Variants in FGD6 observed in about 807,000 individuals in gnomAD.
The protein encoded by FGD6 is FYVE, RhoGEF and PH domain-containing protein 6.
In FGD6, 90 loss-of-function variants were observed where a neutral mutation model predicts 149.4. The observed-to-expected ratio is 0.60, with a 90% CI of 0.51 to 0.72. The LOEUF is 0.72. Ranked by LOEUF, FGD6 falls within the 30% of genes least tolerant of loss-of-function variation. The pLI is 0.00. For synonymous variants in FGD6, 527 were observed against 584.0 expected, an observed-to-expected ratio of 0.90 and a Z score of 1.41; for missense variants, 1,437 against 1,684.8, an observed-to-expected ratio of 0.85 and a Z score of 2.57.
chr12:95,190,928 G>A (rs1342546083), intron 2 of FGD6, among the ~76,000 whole-genome samples: 1 of 152,110 alleles, frequency 6.6e-6, no homozygotes, highest in African/African-American at 2.4e-5. Context: ...ACATTAAAAT[G>A]TCACTAGACC....
At chr12:95,095,586 G>A (rs1000079517) in intron 14 of FGD6, among the ~76,000 whole-genome samples, 11 of 151,830 alleles carry the variant, frequency 7.2e-5, no homozygotes, top group African/African-American at 1.2e-4. Context: ...AAGGGAGAGG[G>A]AATGAGAGAA....
chr12:95,151,056 G>A lies in FGD6; in HGVS notation c.2685+1755C>T, dbSNP rs1028314886. Among the ~76,000 whole-genome samples, 12 of 151,754 alleles carry A rather than the reference G, an allele frequency of 7.9e-5. No homozygotes were observed. In the East Asian group the frequency reaches 1.2e-3, roughly 15 times the overall value. ...TGCAGTGAGTGGAAATCATGCCACC[G>A]CACTCCAGCCTGGGTGACAAAGTGA... On this transcript the variant is annotated intron_variant, in intron 5 of 20. Transcript: ENST00000343958.
chr12:95,152,319 T>A (rs1388087740), intron 5 of FGD6, among the ~76,000 whole-genome samples: 1 of 151,878 alleles, frequency 6.6e-6, no homozygotes, highest in Non-Finnish European at 1.5e-5. Context: ...CAGAATAAGA[T>A]GCTCTCTCAA....
chr12:95,134,422 TTAA>T (rs752728264), intron 8 of FGD6, among the ~76,000 whole-genome samples: 5 of 152,248 alleles, frequency 3.3e-5, no homozygotes, highest in East Asian at 3.9e-4. Context: ...CTTCTTGGAA[TTAA>T]TAATATTAGC....
At chr12:95,157,024 T>C (rs1880492351) in intron 3 of FGD6, among the ~76,000 whole-genome samples, 1 of 152,162 alleles carries the variant, frequency 6.6e-6, no homozygotes. Flanking sequence ...TACAAATAAT[T>C]ACTGCTAAAC....
rs762576522 is a variant in FGD6 at position 95,089,519 on chromosome 12, T to A, written c.3978+50A>T. ...AAAGAAAAACGGTGTATTATATGCA[T>A]ATGAATAATTCAGCCTCTATCACAT... On this transcript the variant is annotated intron_variant, in intron 18 of 20. Transcript: ENST00000343958. 11 of 1,593,676 alleles carry A rather than the reference T, an allele frequency of 6.9e-6. No individual in the cohort carries two copies. The Admixed American group carries it at 1.4e-4, about 20-fold the overall frequency.
At chr12:95,160,344 T>A (rs1880602655) in intron 3 of FGD6, among the ~76,000 whole-genome samples, 1 of 152,068 alleles carries the variant, frequency 6.6e-6, no homozygotes, top group South Asian at 2.1e-4. Flanking sequence ...ACCCACACAA[T>A]GGCTATAATA....
At chr12:95,098,166 A>G (rs1297068825) in intron 14 of FGD6, among the ~76,000 whole-genome samples, 2 of 152,074 alleles carry the variant, frequency 1.3e-5, no homozygotes, top group Non-Finnish European at 1.5e-5. Context: ...TGCACACCTG[A>G]AACTCAACTC....
intron 7 of FGD6, among the ~76,000 whole-genome samples, chr12:95,136,025 T>A (rs1237267427): frequency 3.9e-5 from 6 of 152,284 alleles, no homozygotes; most frequent in African/African-American, 1.4e-4. Flanking sequence ...TATTTGTCTA[T>A]TGCACAAATC....
At chr12:95,158,245 G>A (rs1417910410) in intron 3 of FGD6, among the ~76,000 whole-genome samples, 2 of 145,118 alleles carry the variant, frequency 1.4e-5, no homozygotes, top group African/African-American at 5.1e-5. Context: ...TTGGCTCACT[G>A]CAATCTCCGC....
At position 95,077,142 on chromosome 12, in the gene FGD6, G is replaced by A. The variant is rs976139326; in HGVS notation, c.*4378C>T. On this transcript the variant is annotated 3_prime_UTR_variant, in exon 21 of 21. Transcript: ENST00000343958. ...GAAAATGACATTAAAAGTGGCATGAGCCCTAGAATGATATGTGTATTAGAG... is the reference window on the plus strand; with the variant it reads ...GAAAATGACATTAAAAGTGGCATGAACCCTAGAATGATATGTGTATTAGAG... The A allele has an allele frequency of 2.0e-5, 3 of 152,192 alleles. No homozygotes were observed. Among genetic ancestry groups the A allele is most frequent in the African/African-American group, 7.2e-5 (3 of 41,448 alleles). The allele number at this position is 152,192 out of a possible 1,614,324, so 9.4% of individuals were successfully genotyped here.
chr12:95,172,813 A>C, intron 2 of FGD6, 69 bp from the exon 3 acceptor site: 1 of 1,265,302 alleles, frequency 7.9e-7, no homozygotes, highest in Non-Finnish European at 1.1e-6. Flanking sequence ...CAAAAACCAA[A>C]TCAACATCTT....
chr12:95,116,906 A>C (rs1259894114), intron 8 of FGD6: 1 of 456,054 alleles, frequency 2.2e-6, no homozygotes, highest in Non-Finnish European at 4.4e-6. Context: ...TAACTGCAGC[A>C]TAAGAATGTG....
intron 14 of FGD6, among the ~76,000 whole-genome samples, chr12:95,095,754 C>T (rs944753042): frequency 9.9e-5 from 15 of 152,086 alleles, no homozygotes; most frequent in African/African-American, 3.6e-4. Context: ...TGGCTCACGC[C>T]TGTAATCCCA....
chr12:95,086,553 T>C (rs1877874516), intron 18 of FGD6, among the ~76,000 whole-genome samples: 2 of 143,882 alleles, frequency 1.4e-5, no homozygotes, highest in Non-Finnish European at 3.0e-5. Flanking sequence ...TTTTTTTTTT[T>C]TTTTGAGACT....
intron 7 of FGD6, 46 bp from the exon 8 acceptor site, chr12:95,134,872 C>G: frequency 6.6e-7 from 1 of 1,510,530 alleles, no homozygotes; most frequent in Non-Finnish European, 9.0e-7. Context: ...TTCTAAGAAG[C>G]AAGGGACCCA....
At chr12:95,208,494 T>A (rs2056704368) in intron 2 of FGD6, among the ~76,000 whole-genome samples, 1 of 152,126 alleles carries the variant, frequency 6.6e-6, no homozygotes, top group Non-Finnish European at 1.5e-5. Context: ...CAAATAAATG[T>A]CATTGAATTG....
At chr12:95,118,770 G>T (rs1879099756) in intron 8 of FGD6, among the ~76,000 whole-genome samples, 1 of 152,154 alleles carries the variant, frequency 6.6e-6, no homozygotes, top group African/African-American at 2.4e-5. Flanking sequence ...AGAATTATGG[G>T]ATCCAGAGAA....
In FGD6 at chr12:95,210,465, C is replaced by T. The variant is rs765668258; in HGVS notation, c.819G>A (p.Glu273=). 11 of 1,613,962 alleles carry T rather than the reference C, an allele frequency of 6.8e-6. No individual in the cohort carries two copies. Among genetic ancestry groups the T allele is most frequent in the African/African-American group, 1.3e-5 (1 of 74,906 alleles). The part of the protein sequence containing the change: ...SNNCFQSSEL[E]ALENGKRSTL... Reference sequence around the variant, plus strand: ...TACTCCTTTTCCCATTTTCCAGAGCCTCTAGTTCAGATGACTGAAAGCAAT... The same window carrying T: ...TACTCCTTTTCCCATTTTCCAGAGCTTCTAGTTCAGATGACTGAAAGCAAT... Residue 273 remains glutamate, a synonymous_variant, in exon 2 of 21, where the codon GAG becomes GAA. Transcript: ENST00000343958.
Sources: gnomAD v4.1 joint callset for allele counts (sites outside exome capture counted in the v4.1 genomes callset) on GRCh38, gnomAD v4.1.1 for gene constraint, MANE v1.5 for transcripts, NCBI Gene and HGNC (gene_info 2026-07-23, HGNC 2026-07-21) for gene names.